The following TENM1 variants were observed in gnomAD, a reference collection of about 807,000 sequenced individuals.
The protein encoded by TENM1 is teneurin transmembrane protein 1.
Under a neutral mutation model 174.8 loss-of-function variants are expected in TENM1, and 35 were observed. That is an observed-to-expected ratio of 0.20 (90% CI 0.15 to 0.27). The LOEUF is 0.27. Ranked by LOEUF, TENM1 falls within the 10% of genes least tolerant of loss-of-function variation. TENM1 has a pLI of 1.00. For missense variants in TENM1, 1,633 were observed against 2,130.1 expected (o/e 0.77, Z 4.59); for synonymous variants, 781 against 798.7 (o/e 0.98, Z 0.37).
the TENM1 span, among the ~76,000 whole-genome samples, chrX:124,986,775 G>T: frequency 9.0e-6 from 1 of 111,039 alleles, no homozygotes; most frequent in Admixed American, 9.6e-5. Flanking sequence ...CTGAGTAGCT[G>T]GGATTACAGG....
intron 11 of TENM1, among the ~76,000 whole-genome samples, chrX:124,630,342 A>G (rs1265908528): frequency 8.9e-6 from 1 of 112,115 alleles, no homozygotes; most frequent in African/African-American, 3.2e-5. Flanking sequence ...TTTAACTGCT[A>G]TGGTTCCTGA....
At chrX:124,663,315 A>T (rs1204519126) in intron 6 of TENM1, among the ~76,000 whole-genome samples, 2 of 112,108 alleles carry the variant, frequency 1.8e-5, no homozygotes, top group Non-Finnish European at 3.8e-5. Flanking sequence ...AGAATGTGTG[A>T]TTATCATCTA....
chrX:124,627,077 C>T (rs1480074684), intron 11 of TENM1, among the ~76,000 whole-genome samples: 5 of 111,516 alleles, frequency 4.5e-5, no homozygotes, highest in African/African-American at 1.6e-4. Context: ...GCTATGTTTG[C>T]ATTTACATTT....
chrX:124,550,264 G>A (rs1227341330), intron 14 of TENM1, among the ~76,000 whole-genome samples: 1 of 111,387 alleles, frequency 9.0e-6, no homozygotes, highest in Non-Finnish European at 1.9e-5. Flanking sequence ...ATGGATGAAG[G>A]AATATGAGTG....
At chrX:124,471,215 ATT>A (rs2061302523) in intron 22 of TENM1, among the ~76,000 whole-genome samples, 7 of 46,375 alleles carry the variant, frequency 1.5e-4, no homozygotes, top group African/African-American at 5.0e-4. Context: ...AGTACTATAT[ATT>A]ATAATATATA....
the TENM1 span, among the ~76,000 whole-genome samples, chrX:125,108,727 T>C: frequency 1.1e-5 from 1 of 93,746 alleles, no homozygotes; most frequent in African/African-American, 4.8e-5. Flanking sequence ...TGATTATATA[T>C]ATATATACAC....
chrX:125,179,680 G>C, the TENM1 span, among the ~76,000 whole-genome samples: 1 of 110,415 alleles, frequency 9.1e-6, no homozygotes, highest in African/African-American at 3.3e-5. Flanking sequence ...GTAGTGCCTG[G>C]ACCAGTGGCA....
At chrX:124,476,375 A>G (rs980178205) in intron 22 of TENM1, among the ~76,000 whole-genome samples, 4 of 112,180 alleles carry the variant, frequency 3.6e-5, no homozygotes, top group Non-Finnish European at 7.5e-5. Context: ...AATTTCCAAT[A>G]AAGTTAAGAT....
the TENM1 span, among the ~76,000 whole-genome samples, chrX:125,070,972 C>T: frequency 8.9e-6 from 1 of 111,820 alleles, no homozygotes; most frequent in Non-Finnish European, 1.9e-5. Flanking sequence ...TTCTACAAAT[C>T]AGCTCTTCAA....
intron 1 of TENM1, among the ~76,000 whole-genome samples, chrX:124,937,555 T>A (rs2058264926): frequency 9.0e-6 from 1 of 111,159 alleles, no homozygotes; most frequent in African/African-American, 3.3e-5. Context: ...AAAGAGAAAA[T>A]ACAGATAAGA....
At chrX:125,042,121 T>G in the TENM1 span, among the ~76,000 whole-genome samples, 2 of 111,730 alleles carry the variant, frequency 1.8e-5, no homozygotes, top group African/African-American at 6.5e-5. Context: ...CAGCTTTAAG[T>G]ATGACTTCAG....
chrX:124,577,895 G>A (rs2843501), intron 11 of TENM1, among the ~76,000 whole-genome samples: 1 of 109,065 alleles, frequency 9.2e-6, no homozygotes, highest in African/African-American at 3.4e-5. Context: ...TTTTAATCTC[G>A]ACTCATGAAT....
chrX:124,815,739 G>C (rs2055881602), intron 3 of TENM1, among the ~76,000 whole-genome samples: 1 of 111,151 alleles, frequency 9.0e-6, no homozygotes, highest in East Asian at 2.8e-4. Flanking sequence ...AGAAAATAAA[G>C]CTGATTTAAA....
chrX:124,955,800 C>CACAA lies in TENM1; in HGVS notation c.217+7736_217+7737insTTGT, dbSNP rs1424273117. Among the ~76,000 whole-genome samples the CACAA allele has an allele frequency of 3.8e-3, 395 of 102,795 alleles. 2 individuals are homozygous for CACAA. Among genetic ancestry groups the CACAA allele is most frequent in the African/African-American group, 0.014 (382 of 28,022 alleles). 89.3% of individuals were successfully genotyped at this position (102,795 alleles called of 115,157 possible). On this transcript the variant is annotated intron_variant, in intron 1 of 31. Transcript: ENST00000422452. ...AACAGATACAACACACGCGCACGCACACACACACACACACACACACACACA... is the reference window on the plus strand; with the variant it reads ...AACAGATACAACACACGCGCACGCACACAAACACACACACACACACACACACACA...
intron 27 of TENM1, among the ~76,000 whole-genome samples, chrX:124,393,956 C>T (rs780782935): frequency 3.6e-5 from 4 of 112,281 alleles, no homozygotes; most frequent in East Asian, 2.8e-4. Flanking sequence ...AAGAATTAAA[C>T]GATATTCCAT....
chrX:124,755,246 C>T (rs1396064162), intron 3 of TENM1, among the ~76,000 whole-genome samples: 4 of 109,477 alleles, frequency 3.7e-5, no homozygotes, highest in African/African-American at 1.0e-4. Context: ...TATGTAATGG[C>T]CTTCTTTGTC....
the TENM1 span, among the ~76,000 whole-genome samples, chrX:125,108,626 G>A: frequency 8.2e-5 from 9 of 109,265 alleles, no homozygotes; most frequent in Non-Finnish European, 1.3e-4. Flanking sequence ...GACCCCAGGA[G>A]GCAGAGGTTG....
At chrX:124,712,432 C>T (rs2053079216) in intron 4 of TENM1, among the ~76,000 whole-genome samples, 2 of 111,109 alleles carry the variant, frequency 1.8e-5, no homozygotes, top group Middle Eastern at 9.3e-3. Flanking sequence ...TTTTGATTTG[C>T]ATGTCTCTGA....
chrX:124,439,469 T>C (rs1275055717), intron 23 of TENM1, among the ~76,000 whole-genome samples: 3 of 103,418 alleles, frequency 2.9e-5, no homozygotes, highest in Non-Finnish European at 6.0e-5. Context: ...CACCATTCAA[T>C]GACTATAGTG....
Sources: allele counts gnomAD v4.1 joint callset (sites outside exome capture counted in the v4.1 genomes callset), GRCh38; gene constraint gnomAD v4.1.1; transcripts MANE v1.5; gene names NCBI Gene and HGNC (gene_info 2026-07-23, HGNC 2026-07-21).